The following ATP13A4 variants were observed in gnomAD, a reference collection of about 807,000 sequenced individuals.
ATP13A4 encodes ATPase 13A4.
Under a neutral mutation model 142.5 loss-of-function variants are expected in ATP13A4, and 114 were observed. The observed-to-expected ratio is 0.80, with a 90% CI of 0.69 to 0.93. The LOEUF is 0.93. Ranked by LOEUF, ATP13A4 falls within the 40% of genes least tolerant of loss-of-function variation. The probability of loss-of-function intolerance (pLI) is 0.00; values close to 1 mark genes in which losing one functional copy is unlikely to be tolerated. For synonymous variants in ATP13A4, 488 were observed against 514.8 expected (o/e 0.95, Z 0.70); for missense variants, 1,392 against 1,454.0 (o/e 0.96, Z 0.69).
chr3:193,474,341 A>C (rs1159989346), intron 8 of ATP13A4, among the ~76,000 whole-genome samples: 2 of 148,382 alleles, frequency 1.3e-5, no homozygotes, highest in Non-Finnish European at 3.0e-5. Flanking sequence ...AAAAAAAAAA[A>C]AAAAAACAAA....
At chr3:193,482,877 C>T (rs546395776) in intron 8 of ATP13A4, among the ~76,000 whole-genome samples, 93 of 152,276 alleles carry the variant, frequency 6.1e-4, no homozygotes, top group African/African-American at 2.2e-3. Context: ...CATGACCCAG[C>T]TGTTCTATAG....
At chr3:193,574,470 G>A (rs1724351951) in intron 2 of ATP13A4, among the ~76,000 whole-genome samples, 1 of 152,204 alleles carries the variant, frequency 6.6e-6, no homozygotes, top group African/African-American at 2.4e-5. Flanking sequence ...TGTAATCCCA[G>A]CACTTTGGGA....
chr3:193,561,345 G>A (rs763894779), intron 2 of ATP13A4, among the ~76,000 whole-genome samples: 2 of 152,174 alleles, frequency 1.3e-5, no homozygotes, highest in African/African-American at 2.4e-5. Flanking sequence ...TGAAGAAAGC[G>A]GCAAGGCTGG....
rs981974554 is a variant in ATP13A4 at position 193,418,406 on chromosome 3, C to T, written c.2843-3656G>A. Among the ~76,000 whole-genome samples, 4 of 149,112 alleles carry T rather than the reference C, an allele frequency of 2.7e-5. 1 individual carries two copies. In the East Asian group the frequency reaches 8.4e-4, roughly 31 times the overall value. On this transcript the variant is annotated intron_variant, in intron 25 of 29. Coordinates refer to ENST00000342695, the MANE Select transcript of ATP13A4 (RefSeq NM_032279.4). ...GTACTCATCTCTCCCACAAAGACAA[C>T]CAAAACAACACTATATTTTGATGAA...
At chr3:193,573,308 C>CGTATATATATATATATTATTATATAT (rs1229145689) in intron 2 of ATP13A4, among the ~76,000 whole-genome samples, 1 of 103,674 alleles carries the variant, frequency 9.6e-6, no homozygotes, top group African/African-American at 4.7e-5. Context: ...TATATATATA[C>CGTATATATATATATATTATTATATAT]ATATATATAT....
At chr3:193,576,335 A>G (rs560219235) in intron 2 of ATP13A4, among the ~76,000 whole-genome samples, 2,875 of 126,392 alleles carry the variant, frequency 0.023, 83 homozygotes, top group African/African-American at 0.086. Context: ...GCAGTGGTGC[A>G]ATCTCGGCTC....
At chr3:193,471,234 A>G (rs1335620110) in intron 8 of ATP13A4, among the ~76,000 whole-genome samples, 4 of 152,214 alleles carry the variant, frequency 2.6e-5, no homozygotes, top group Non-Finnish European at 5.9e-5. Flanking sequence ...TGACAAATTC[A>G]GAAGCAAATT....
chr3:193,453,386 G>A (rs753683433), intron 17 of ATP13A4, among the ~76,000 whole-genome samples: 3 of 152,000 alleles, frequency 2.0e-5, no homozygotes, highest in Non-Finnish European at 2.9e-5. Flanking sequence ...GATTAGCTCC[G>A]TAACAGCATA....
At chr3:193,443,924 C>T (rs548219213) in intron 18 of ATP13A4, among the ~76,000 whole-genome samples, 17 of 151,940 alleles carry the variant, frequency 1.1e-4, no homozygotes, top group African/African-American at 4.1e-4. Flanking sequence ...GAGAAAAAAT[C>T]GTTTTAGTGA....
chr3:193,500,129 G>T (rs1017766739), intron 3 of ATP13A4, among the ~76,000 whole-genome samples: 1 of 152,134 alleles, frequency 6.6e-6, no homozygotes, highest in Non-Finnish European at 1.5e-5. Flanking sequence ...AAGAGATGAG[G>T]TTTATTTGCC....
At chr3:193,564,391 G>C (rs1724087984) in intron 2 of ATP13A4, among the ~76,000 whole-genome samples, 1 of 152,218 alleles carries the variant, frequency 6.6e-6, no homozygotes, top group Non-Finnish European at 1.5e-5. Context: ...TTATGAAGAT[G>C]TTTATCTCAA....
intron 2 of ATP13A4, among the ~76,000 whole-genome samples, chr3:193,573,307 A>ATATATGTATATATATATATATT (rs1491575912): frequency 1.5e-5 from 2 of 129,890 alleles, no homozygotes; most frequent in Admixed American, 7.6e-5. Context: ...ATATATATAT[A>ATATATGTATATATATATATATT]CATATATATA....
chr3:193,506,829 C>T (rs1283333048), intron 2 of ATP13A4, among the ~76,000 whole-genome samples: 1 of 152,188 alleles, frequency 6.6e-6, no homozygotes, highest in Non-Finnish European at 1.5e-5. Context: ...TTTGCTTCCC[C>T]TTCCACCATG....
intron 1 of ATP13A4, among the ~76,000 whole-genome samples, chr3:193,534,395 G>T (rs1722486178): frequency 6.6e-6 from 1 of 152,056 alleles, no homozygotes. Context: ...ATCAATAGAT[G>T]CCAACACCAA....
intron 1 of ATP13A4, among the ~76,000 whole-genome samples, chr3:193,584,279 AG>A (rs1215740780): frequency 1.3e-5 from 2 of 152,162 alleles, no homozygotes; most frequent in African/African-American, 4.8e-5. Flanking sequence ...GGTGTTGGAA[AG>A]GTTTGACCAG....
Position 193,514,710 on chromosome 3 carries a change from C to G in ATP13A4, c.222G>C (p.Leu74Phe). 6.2e-7 allele frequency: 1 copy of G among 1,614,154 alleles called. No homozygotes were observed. The highest frequency in any genetic ancestry group is 1.1e-5 in the South Asian group (1 of 91,076). The change falls in exon 2 of 30, where the codon TTG becomes TTC. Residue 74 changes from leucine (L) to phenylalanine (F), a missense_variant. Physicochemically the swap from Leu to Phe is conservative, Grantham distance 22 (BLOSUM62 0). Transcript: ENST00000342695. The part of the protein sequence containing the change: ...PCSLQEADTV[L>F]LRTTDEFQIY... ...GGTACACACTTACCGTTGTCCTCAG[C>G]AACACAGTGTCTGCTTCTTGCAAGG...
intron 13 of ATP13A4, among the ~76,000 whole-genome samples, chr3:193,461,924 A>G (rs1205481073): frequency 6.6e-6 from 1 of 152,136 alleles, no homozygotes; most frequent in Non-Finnish European, 1.5e-5. Flanking sequence ...TTTTCTTGCT[A>G]GGAAAAAGGA....
chr3:193,466,436 C>A (rs1250846057), intron 10 of ATP13A4, among the ~76,000 whole-genome samples: 1 of 152,256 alleles, frequency 6.6e-6, no homozygotes, highest in Non-Finnish European at 1.5e-5. Flanking sequence ...AACCGCCGTA[C>A]TGGGTGCACA....
intron 1 of ATP13A4, among the ~76,000 whole-genome samples, chr3:193,522,110 G>A (rs1044917319): frequency 2.0e-5 from 3 of 152,190 alleles, no homozygotes; most frequent in Admixed American, 6.5e-5. Context: ...TCTGATTATG[G>A]AAGTAGGCTA....
Sources: gnomAD v4.1 joint callset for allele counts (sites outside exome capture counted in the v4.1 genomes callset) on GRCh38, gnomAD v4.1.1 for gene constraint, MANE v1.5 for transcripts, NCBI Gene and HGNC (gene_info 2026-07-23, HGNC 2026-07-21) for gene names.